The following DNMT1 variants were observed in gnomAD, a reference collection of about 807,000 sequenced individuals.
DNMT1 encodes DNA (cytosine-5)-methyltransferase 1.
A neutral mutation model predicts 205.3 loss-of-function variants in DNMT1; 24 were observed. The observed-to-expected ratio is 0.12, with a 90% CI of 0.08 to 0.16. The LOEUF (loss-of-function observed/expected upper bound fraction) is 0.16. Among genes scored for constraint, DNMT1 ranks in the 10% least tolerant of loss-of-function variants. The pLI is 1.00. For synonymous variants in DNMT1, 817 were observed against 839.8 expected, an observed-to-expected ratio of 0.97 and a Z score of 0.47; for missense variants, 1,293 against 2,177.7, an observed-to-expected ratio of 0.59 and a Z score of 8.09.
At position 10,146,269 on chromosome 19, in the gene DNMT1, T is replaced by C. The variant is rs1199475044; in HGVS notation, c.2894+82A>G. 1.9e-6 allele frequency: 3 copies of C among 1,544,854 alleles called. No individual in the cohort carries two copies. Among genetic ancestry groups the C allele is most frequent in the Non-Finnish European group, 2.6e-6 (3 of 1,133,492 alleles). ...AGCTGGTGCGGAGGGATTGGCAATG[T>C]CTGTAAGGAGGGGGACACCACAAAG... On this transcript the variant is annotated intron_variant, in intron 28 of 40. Coordinates refer to ENST00000359526, the MANE Select transcript of DNMT1 (RefSeq NM_001130823.3). The surrounding 1 kb of genome is among the most constrained non-coding windows in gnomAD (Gnocchi z 4.4).
chr19:10,173,256 C>T lies in DNMT1; in HGVS notation c.684-82G>A, dbSNP rs2288350. On this transcript the variant is annotated intron_variant, in intron 8 of 40. Coordinates refer to ENST00000359526, the MANE Select transcript of DNMT1 (RefSeq NM_001130823.3). Reference sequence around the variant, plus strand: ...AGCAGTTTTCATAAAGCTCCTCTTTCCCCCAAAAGCAATCTTCATTATCTC... The same window carrying T: ...AGCAGTTTTCATAAAGCTCCTCTTTTCCCCAAAAGCAATCTTCATTATCTC... The T allele has an allele frequency of 0.096, 131,831 of 1,368,452 alleles. 9,980 individuals are homozygous for T. Among genetic ancestry groups the T allele is most frequent in the East Asian group, 0.37 (16,303 of 43,494 alleles). The allele number at this position is 1,368,452 out of a possible 1,614,324, so 84.8% of individuals were successfully genotyped here. A position where few individuals can be genotyped will look rare whatever the true frequency, so the allele number is the denominator to read the frequency against.
At chr19:10,190,466 A>T (rs573920711) in intron 1 of DNMT1, among the ~76,000 whole-genome samples, 18 of 152,258 alleles carry the variant, frequency 1.2e-4, no homozygotes, top group African/African-American at 4.1e-4. Flanking sequence ...GAGCAGGCTT[A>T]AGAATGAATT....
chr19:10,133,800 C>T lies in DNMT1; in HGVS notation c.4865-99G>A, dbSNP rs990257307. 27 of 1,293,246 alleles carry T rather than the reference C, an allele frequency of 2.1e-5. No individual in the cohort carries two copies. The highest frequency in any genetic ancestry group is 2.9e-5 in the African/African-American group (2 of 68,006). The allele number at this position is 1,293,246 out of a possible 1,614,324, so 80.1% of individuals were successfully genotyped here. A position where few individuals can be genotyped will look rare whatever the true frequency, so the allele number is the denominator to read the frequency against. On this transcript the variant is annotated intron_variant, in intron 40 of 40. Transcript: ENST00000359526. The surrounding 1 kb of genome is among the most constrained non-coding windows in gnomAD (Gnocchi z 4.1). ...GACATGGACCATCAGGAAACATTAA[C>T]GTACTGATGTTAACAGCTGACCCAA... is the stretch of plus-strand genomic sequence containing the variant.
At chr19:10,181,026 G>A (rs1209561105) in intron 2 of DNMT1, 141 bp from the exon 3 acceptor site, 2 of 724,868 alleles carry the variant, frequency 2.8e-6, no homozygotes, top group African/African-American at 3.5e-5. Context: ...ACACTAAACA[G>A]TCATGAAATG....
chr19:10,159,544 A>T lies in DNMT1; in HGVS notation c.1280+114T>A. The T allele has an allele frequency of 9.2e-7, 1 of 1,082,952 alleles. No homozygotes were observed. Among genetic ancestry groups the T allele is most frequent in the Non-Finnish European group, 1.4e-6 (1 of 724,018 alleles). 67.1% of individuals were successfully genotyped at this position (1,082,952 alleles called of 1,614,324 possible). ...GCTCTTATCCACGAAGTGTTAGCTT[A>T]AGACATGTTGCAGGTCAGGCACTAA... is the stretch of plus-strand genomic sequence containing the variant. On this transcript the variant is annotated intron_variant, in intron 17 of 40. Coordinates refer to ENST00000359526, the MANE Select transcript of DNMT1 (RefSeq NM_001130823.3). This position sits in a 1 kb window ranked among gnomAD's most constrained non-coding sequence, Gnocchi z 5.0.
chr19:10,191,964 G>A (rs1015091184), intron 1 of DNMT1, among the ~76,000 whole-genome samples: 5 of 152,008 alleles, frequency 3.3e-5, no homozygotes, highest in Non-Finnish European at 2.9e-5. Flanking sequence ...TGCGATTACA[G>A]GCACCTGCCA....
intron 1 of DNMT1, among the ~76,000 whole-genome samples, chr19:10,190,983 G>A (rs529115514): frequency 2.1e-4 from 32 of 151,200 alleles, no homozygotes; most frequent in African/African-American, 6.8e-4. Context: ...CTTGGTGGCG[G>A]GCGCCTGTAA....
At chr19:10,141,545 C>T (rs2089600649) in intron 30 of DNMT1, 1 of 370,814 alleles carries the variant, frequency 2.7e-6, no homozygotes, top group Non-Finnish European at 5.1e-6. Context: ...AAAGGCCAAG[C>T]CCCAACAATT....
Position 10,185,888 on chromosome 19 carries a change from G to A in DNMT1, c.81-3811C>T, listed in dbSNP as rs554407283. ...GATGCTTTGACATCAGGATTTCCAG[G>A]AGCACAAGGAACCTCTTCCAGGCAA... On this transcript the variant is annotated intron_variant, in intron 1 of 40. Transcript: ENST00000359526. Among the ~76,000 whole-genome samples, 5 of 151,452 alleles carry A rather than the reference G, an allele frequency of 3.3e-5. No homozygotes were observed. In the South Asian group the frequency reaches 1.0e-3, roughly 32 times the overall value.
Position 10,140,372 on chromosome 19 carries a change from A to T in DNMT1, c.3524-44T>A. The T allele has an allele frequency of 2.1e-6, 3 of 1,452,346 alleles. No individual in the cohort carries two copies. The highest frequency in any genetic ancestry group is 1.9e-5 in the Admixed American group (1 of 53,250). The allele number at this position is 1,452,346 out of a possible 1,614,324, so 90.0% of individuals were successfully genotyped here. A position where few individuals can be genotyped will look rare whatever the true frequency, so the allele number is the denominator to read the frequency against. On this transcript the variant is annotated intron_variant, in intron 32 of 40. Transcript: ENST00000359526. This position sits in a 1 kb window ranked among gnomAD's most constrained non-coding sequence, Gnocchi z 8.4. ...AGCCATGCTTTCAACTCTCCAGAAGATTTTTTTTTTTTTTTGAGATGGAGT... is the reference window on the plus strand; with the variant it reads ...AGCCATGCTTTCAACTCTCCAGAAGTTTTTTTTTTTTTTTTGAGATGGAGT...
intron 30 of DNMT1, 57 bp downstream of exon 30, chr19:10,141,971 A>G (rs2089609189): frequency 8.1e-6 from 13 of 1,596,276 alleles, no homozygotes; most frequent in Non-Finnish European, 9.4e-6. Context: ...CCGACATCAG[A>G]CTCCTTCTGG....
Position 10,180,319 on chromosome 19 carries a change from A to C in DNMT1, c.445+31T>G, listed in dbSNP as rs527503844. The C allele has an allele frequency of 1.0e-5, 16 of 1,603,960 alleles. No homozygotes were observed. The African/African-American group carries it at 1.9e-4, about 19-fold the overall frequency. On this transcript the variant is annotated intron_variant, in intron 4 of 40. Transcript: ENST00000359526. The stretch of plus-strand genomic sequence containing the variant: ...ACAGTGAGACTCCATCTCAAAAACA[A>C]TTAAAAATAAAAGGAATCATCTGCT...
At position 10,159,598 on chromosome 19, in the gene DNMT1, G is replaced by A. The variant is rs373899790; in HGVS notation, c.1280+60C>T. ...ACATCACCAGAATCGTGAGCCCGCA[G>A]GCACCTCTGGGGATGTGCCTCCTTC... On this transcript the variant is annotated intron_variant, in intron 17 of 40. Transcript: ENST00000359526. This position sits in a 1 kb window ranked among gnomAD's most constrained non-coding sequence, Gnocchi z 5.0. The A allele has an allele frequency of 3.1e-4, 475 of 1,539,864 alleles. 1 individual carries two copies. Among genetic ancestry groups the A allele is most frequent in the Admixed American group, 5.9e-4 (35 of 59,236 alleles).
chr19:10,163,297 A>G, intron 12 of DNMT1, 29 bp downstream of exon 12: 1 of 1,613,286 alleles, frequency 6.2e-7, no homozygotes, highest in Non-Finnish European at 8.5e-7. Flanking sequence ...TCCAGATGAC[A>G]CAAAAGCACA....
intron 1 of DNMT1, 141 bp downstream of exon 1, chr19:10,194,679 A>T (rs1599416552): frequency 1.6e-6 from 2 of 1,218,482 alleles, no homozygotes; most frequent in Non-Finnish European, 1.1e-6. Flanking sequence ...TGCCCGCGCC[A>T]ACTGCCGCTG....
chr19:10,153,241 G>T (rs1003021234), intron 22 of DNMT1, among the ~76,000 whole-genome samples: 3 of 152,154 alleles, frequency 2.0e-5, no homozygotes, highest in Non-Finnish European at 4.4e-5. Flanking sequence ...TCATTGAGGA[G>T]TAAGTTAGGA....
At chr19:10,167,850 G>A (rs996604387) in intron 10 of DNMT1, among the ~76,000 whole-genome samples, 5 of 152,038 alleles carry the variant, frequency 3.3e-5, no homozygotes, top group South Asian at 2.1e-4. Flanking sequence ...AGGAGAAATC[G>A]AAGCTAACTT....
In DNMT1 at chr19:10,172,006, C is replaced by CA. The variant is rs913252862; in HGVS notation, c.768+1083dup. Among the ~76,000 whole-genome samples, 529 of 132,166 alleles carry CA rather than the reference C, an allele frequency of 4.0e-3. 1 individual carries two copies. The highest frequency in any genetic ancestry group is 4.9e-3 in the Non-Finnish European group (300 of 61,574). The allele number at this position is 132,166 out of a possible 152,430, so 86.7% of individuals were successfully genotyped here. A position where few individuals can be genotyped will look rare whatever the true frequency, so the allele number is the denominator to read the frequency against. Reference sequence around the variant, plus strand: ...TGGGTGATAGAGCGGGAGACTGTCTCAAAAAAAAAAAATTAAATTAAATTA... The same window carrying CA: ...TGGGTGATAGAGCGGGAGACTGTCTCAAAAAAAAAAAAATTAAATTAAATTA... On this transcript the variant is annotated intron_variant, in intron 9 of 40. Coordinates refer to ENST00000359526, the MANE Select transcript of DNMT1 (RefSeq NM_001130823.3).
chr19:10,148,303 T>C (rs544934096), intron 27 of DNMT1, among the ~76,000 whole-genome samples: 49 of 150,908 alleles, frequency 3.2e-4, no homozygotes, highest in African/African-American at 1.0e-3. Flanking sequence ...GAGACCATCC[T>C]GGCTAACACA....
Sources: allele counts gnomAD v4.1 joint callset (sites outside exome capture counted in the v4.1 genomes callset), GRCh38; gene constraint gnomAD v4.1.1; non-coding constraint Gnocchi (gnomAD v3.1); transcripts MANE v1.5; gene names NCBI Gene and HGNC (gene_info 2026-07-23, HGNC 2026-07-21).